Variants in AFF3 observed in about 807,000 individuals in gnomAD.
AFF3 encodes the protein ALF transcription elongation factor 3, also known as AF4/FMR2 family member 3.
AFF3 carries 32 observed loss-of-function variants against 129.7 expected under a neutral mutation model. That is an observed-to-expected ratio of 0.25 (90% CI 0.19 to 0.33). The LOEUF (loss-of-function observed/expected upper bound fraction) is 0.33, where lower values mean the gene tolerates loss of function less well. Among genes scored for constraint, AFF3 ranks in the 10% least tolerant of loss-of-function variants. The pLI, the probability that AFF3 is intolerant of heterozygous loss-of-function variation, is 1.00. For synonymous variants in AFF3, 644 were observed against 635.4 expected (o/e 1.01, Z -0.20); for missense variants, 1,373 against 1,592.0 (o/e 0.86, Z 2.34).
chr2:100,033,893 C>A (rs1263309147), intron 4 of AFF3, among the ~76,000 whole-genome samples: 5 of 152,110 alleles, frequency 3.3e-5, no homozygotes, highest in Non-Finnish European at 5.9e-5. Context: ...CAACCTCTAA[C>A]TAAAGTCATA....
At chr2:99,819,989 G>A (rs1156998954) in intron 8 of AFF3, among the ~76,000 whole-genome samples, 1 of 152,230 alleles carries the variant, frequency 6.6e-6, no homozygotes, top group African/African-American at 2.4e-5. Context: ...AGGCAGCACA[G>A]CACAGGCGGA....
At chr2:99,726,175 TAC>T (rs1411770725) in intron 11 of AFF3, among the ~76,000 whole-genome samples, 2 of 152,246 alleles carry the variant, frequency 1.3e-5, no homozygotes, top group African/African-American at 4.8e-5. Context: ...TCTTATGAAA[TAC>T]ACAGCTCTCC....
chr2:100,037,114 A>C (rs929245974), intron 4 of AFF3, among the ~76,000 whole-genome samples: 1 of 152,006 alleles, frequency 6.6e-6, no homozygotes, highest in Non-Finnish European at 1.5e-5. Context: ...CAATGTGTGC[A>C]ATGATTTCTG....
At chr2:99,656,661 T>C (rs536885390) in intron 12 of AFF3, among the ~76,000 whole-genome samples, 62 of 152,396 alleles carry the variant, frequency 4.1e-4, no homozygotes, top group African/African-American at 1.4e-3. Flanking sequence ...TCTGAACTTT[T>C]ATGCCATTGT....
intron 7 of AFF3, 101 bp from the exon 8 acceptor site, chr2:99,837,625 A>T (rs2105792906): frequency 1.9e-6 from 2 of 1,047,628 alleles, no homozygotes; most frequent in South Asian, 1.3e-5. Flanking sequence ...AAAAAAATTC[A>T]GCGAGTTACA....
intron 7 of AFF3, among the ~76,000 whole-genome samples, chr2:99,887,556 T>C (rs1350617996): frequency 6.6e-6 from 1 of 152,218 alleles, no homozygotes; most frequent in Non-Finnish European, 1.5e-5. Context: ...TATATTGTAA[T>C]TATCACTTAA....
At chr2:99,764,401 T>C (rs1682845494) in intron 8 of AFF3, among the ~76,000 whole-genome samples, 1 of 152,184 alleles carries the variant, frequency 6.6e-6, no homozygotes, top group South Asian at 2.1e-4. Flanking sequence ...TTTTGGACCT[T>C]TCTGGAGAAT....
chr2:100,046,776 C>A (rs1160932050), intron 4 of AFF3, among the ~76,000 whole-genome samples: 1 of 152,130 alleles, frequency 6.6e-6, no homozygotes, highest in Non-Finnish European at 1.5e-5. Flanking sequence ...GGGCTCCAAC[C>A]AGACTCCCAC....
At chr2:99,828,494 C>A (rs1466684127) in intron 8 of AFF3, among the ~76,000 whole-genome samples, 2 of 152,136 alleles carry the variant, frequency 1.3e-5, no homozygotes, top group African/African-American at 4.8e-5. Context: ...GCAGTGCAGA[C>A]CAGAAAGTGG....
chr2:99,858,335 C>T (rs1472937738), intron 7 of AFF3, among the ~76,000 whole-genome samples: 1 of 148,218 alleles, frequency 6.7e-6, no homozygotes, highest in African/African-American at 2.5e-5. Context: ...TGCTTGAGCC[C>T]AGGAGTTGGA....
intron 7 of AFF3, 79 bp from the exon 8 acceptor site, chr2:99,837,603 G>GT (rs1185755421): frequency 1.5e-6 from 2 of 1,331,718 alleles, no homozygotes; most frequent in East Asian, 2.4e-5. Context: ...TTCCAAATTA[G>GT]TCCCCCCCAA....
chr2:99,860,922 A>G (rs1284663405), intron 7 of AFF3, among the ~76,000 whole-genome samples: 1 of 152,168 alleles, frequency 6.6e-6, no homozygotes, highest in African/African-American at 2.4e-5. Context: ...CTGCTCTCTC[A>G]TCAAATTTCA....
chr2:99,761,237 A>G (rs1404580844), intron 8 of AFF3, among the ~76,000 whole-genome samples: 1 of 150,442 alleles, frequency 6.6e-6, no homozygotes, highest in Non-Finnish European at 1.5e-5. Flanking sequence ...TATATTAAAT[A>G]TACTCACTTT....
intron 16 of AFF3, among the ~76,000 whole-genome samples, chr2:99,583,405 C>A (rs565853292): frequency 6.6e-6 from 1 of 152,086 alleles, no homozygotes; most frequent in Non-Finnish European, 1.5e-5. Flanking sequence ...TTTTTTGAGA[C>A]GGGATCTGGC....
intron 4 of AFF3, among the ~76,000 whole-genome samples, chr2:100,085,969 C>A (rs186963995): frequency 1.5e-3 from 223 of 152,292 alleles, no homozygotes; most frequent in Middle Eastern, 6.8e-3. Context: ...ACTGCTGTGG[C>A]AGGGCTACTT....
chr2:99,956,119 G>C (rs1365563408), intron 7 of AFF3, among the ~76,000 whole-genome samples: 1 of 144,556 alleles, frequency 6.9e-6, no homozygotes, highest in Non-Finnish European at 1.5e-5. Flanking sequence ...TCCTCATTTA[G>C]TCTTTTTTTT....
chr2:99,686,586 C>G (rs1432772008), intron 11 of AFF3, among the ~76,000 whole-genome samples: 1 of 152,166 alleles, frequency 6.6e-6, no homozygotes, highest in Non-Finnish European at 1.5e-5. Flanking sequence ...TAACAGGTTC[C>G]CAAGCTCTAT....
At chr2:99,934,370 A>T (rs545446572) in intron 7 of AFF3, among the ~76,000 whole-genome samples, 1 of 152,296 alleles carries the variant, frequency 6.6e-6, no homozygotes, top group Non-Finnish European at 1.5e-5. Flanking sequence ...AGTTCTGCTT[A>T]AAAAGTTTCC....
chr2:99,901,019 T>C (rs898222781), intron 7 of AFF3, among the ~76,000 whole-genome samples: 1 of 152,240 alleles, frequency 6.6e-6, no homozygotes, highest in African/African-American at 2.4e-5. Context: ...GGTTGCTCCA[T>C]GTCTTTTGAA....
Sources: allele counts gnomAD v4.1 joint callset (sites outside exome capture counted in the v4.1 genomes callset), GRCh38; gene constraint gnomAD v4.1.1; transcripts MANE v1.5; gene names NCBI Gene and HGNC (gene_info 2026-07-23, HGNC 2026-07-21).